The following EVA1A variants were observed in gnomAD, a reference collection of about 807,000 sequenced individuals.
EVA1A encodes eva-1 homolog A, regulator of programmed cell death.
EVA1A carries 7 observed loss-of-function variants against 9.8 expected under a neutral mutation model. The ratio of observed to expected loss-of-function variants is 0.71; its 90% CI spans 0.41 to 1.34. EVA1A has a LOEUF of 1.34. Ranked by LOEUF, EVA1A falls within the 40% of genes most tolerant of loss-of-function variation. EVA1A has a pLI of 0.01. For missense variants in EVA1A, 206 were observed against 205.9 expected, an observed-to-expected ratio of 1.00 and a Z score of 0.00; for synonymous variants, 90 against 85.6, an observed-to-expected ratio of 1.05 and a Z score of -0.28.
upstream of EVA1A, among the ~76,000 whole-genome samples, chr2:75,565,153 G>C (rs1381691418): frequency 6.6e-6 from 1 of 152,190 alleles, no homozygotes; most frequent in Non-Finnish European, 1.5e-5. Context: ...CCTTCACAGA[G>C]AACTGTCCTA....
chr2:75,545,683 C>CTGTCTGG (rs1676304704), intron 1 of EVA1A, among the ~76,000 whole-genome samples: 2 of 135,758 alleles, frequency 1.5e-5, no homozygotes, highest in Admixed American at 1.5e-4. Context: ...AAGCAAAGCA[C>CTGTCTGG]AGGACACAGA....
upstream of EVA1A, among the ~76,000 whole-genome samples, chr2:75,563,800 GCC>G (rs1196687457): frequency 2.0e-5 from 3 of 152,108 alleles, no homozygotes; most frequent in Non-Finnish European, 2.9e-5. Flanking sequence ...AACTCTCTGT[GCC>G]TCATTTTCCT....
intron 1 of EVA1A, among the ~76,000 whole-genome samples, chr2:75,549,966 G>A (rs544941380): frequency 6.6e-6 from 1 of 152,272 alleles, no homozygotes; most frequent in Non-Finnish European, 1.5e-5. Flanking sequence ...ATGAACCAAG[G>A]CAAAGCTGAA....
At chr2:75,508,410 G>A (rs995525554) in intron 3 of EVA1A, among the ~76,000 whole-genome samples, 2 of 151,914 alleles carry the variant, frequency 1.3e-5, no homozygotes, top group South Asian at 2.1e-4. Context: ...GTCTATAAAC[G>A]GCCTGTAGGG....
intron 1 of EVA1A, among the ~76,000 whole-genome samples, chr2:75,559,078 C>T (rs1338982387): frequency 6.6e-6 from 1 of 152,176 alleles, no homozygotes; most frequent in Admixed American, 6.5e-5. Context: ...TAATGGCACT[C>T]TTCATGAAGT....
chr2:75,568,108 A>G (rs990753141), intron 1 of EVA1A, among the ~76,000 whole-genome samples: 4 of 152,246 alleles, frequency 2.6e-5, no homozygotes, highest in South Asian at 4.1e-4. Context: ...CCCTGGGCAC[A>G]TGGGAAGTTT....
chr2:75,540,810 T>C (rs1000005417), intron 1 of EVA1A: 19 of 152,040 alleles, frequency 1.2e-4, no homozygotes, highest in African/African-American at 4.4e-4. Flanking sequence ...AAGATGCAGC[T>C]AGCAATAAAA....
chr2:75,567,933 A>G (rs1457526460), intron 1 of EVA1A, among the ~76,000 whole-genome samples: 1 of 152,196 alleles, frequency 6.6e-6, no homozygotes, highest in African/African-American at 2.4e-5. Flanking sequence ...CACTTGCTTC[A>G]TTTTTAGTCC....
Position 75,546,907 on chromosome 2 carries a change from C to CAAAAA in EVA1A, c.-192+13768_-192+13772dup, listed in dbSNP as rs751386318. 4.2e-4 allele frequency among the ~76,000 whole-genome samples: 28 copies of CAAAAA among 66,830 alleles called. 1 individual carries two copies. Among genetic ancestry groups the CAAAAA allele is most frequent in the Non-Finnish European group, 5.8e-4 (18 of 30,858 alleles). 43.8% of individuals were successfully genotyped at this position (66,830 alleles called of 152,430 possible). A position where few individuals can be genotyped will look rare whatever the true frequency, so the allele number is the denominator to read the frequency against. On this transcript the variant is annotated intron_variant, in intron 1 of 3. Transcript: ENST00000393913. ...ACACAGAAGACAGCCATCAATAGGC[C>CAAAAA]AAAAAAAAAAAAAAAAAAAACACCT...
intron 3 of EVA1A, among the ~76,000 whole-genome samples, chr2:75,501,937 C>T (rs1179916927): frequency 6.6e-6 from 1 of 152,230 alleles, no homozygotes. Context: ...GATACCAATA[C>T]TGCATCTTCC....
intron 1 of EVA1A, among the ~76,000 whole-genome samples, chr2:75,534,502 T>TAAAAAA (rs56043076): frequency 0.014 from 2,013 of 148,670 alleles, 51 homozygotes; most frequent in African/African-American, 0.048. Flanking sequence ...TTCAAGTAAC[T>TAAAAAA]AAAAAAAGAA....
chr2:75,558,125 G>T (rs1676787515), intron 1 of EVA1A, among the ~76,000 whole-genome samples: 2 of 152,220 alleles, frequency 1.3e-5, no homozygotes, highest in African/African-American at 4.8e-5. Flanking sequence ...AATACCAGTA[G>T]TAACTGTAAA....
intron 1 of EVA1A, chr2:75,558,645 C>G (rs575484077): frequency 6.6e-6 from 1 of 152,300 alleles, no homozygotes; most frequent in Admixed American, 6.5e-5. Context: ...AACTTCTAGT[C>G]TCAAAGATTG....
chr2:75,546,257 C>T (rs892047195), intron 1 of EVA1A, among the ~76,000 whole-genome samples: 1 of 152,124 alleles, frequency 6.6e-6, no homozygotes, highest in African/African-American at 2.4e-5. Context: ...CCATAAACAT[C>T]GCCAAGAGCA....
At chr2:75,542,955 T>C (rs1046336679) in intron 1 of EVA1A, among the ~76,000 whole-genome samples, 4 of 152,054 alleles carry the variant, frequency 2.6e-5, no homozygotes, top group Non-Finnish European at 5.9e-5. Context: ...AGAAAAAATA[T>C]CAAATGTGAA....
chr2:75,504,801 TG>T (rs1228724074), intron 3 of EVA1A, among the ~76,000 whole-genome samples: 1 of 30,860 alleles, frequency 3.2e-5, no homozygotes, highest in African/African-American at 1.2e-4. Flanking sequence ...TGTCGGGGGG[TG>T]GGGGGCAAGG....
chr2:75,559,596 T>G (rs1408098157), intron 1 of EVA1A, among the ~76,000 whole-genome samples: 1 of 151,410 alleles, frequency 6.6e-6, no homozygotes, highest in Non-Finnish European at 1.5e-5. Flanking sequence ...GCCGCTGAAC[T>G]CAGAGGACAG....
chr2:75,493,662 C>A (rs1674107506), intron 3 of EVA1A, 53 bp from the exon 4 acceptor site: 2 of 1,494,018 alleles, frequency 1.3e-6, no homozygotes, highest in Non-Finnish European at 1.8e-6. Flanking sequence ...ACTCCATATG[C>A]AGAGATCCAA....
intron 2 of EVA1A, among the ~76,000 whole-genome samples, chr2:75,521,444 CCA>C (rs1252310482): frequency 6.6e-6 from 1 of 152,152 alleles, no homozygotes; most frequent in Admixed American, 6.5e-5. Flanking sequence ...AAATGTCCAT[CCA>C]CAGATGGATG....
Sources: allele counts gnomAD v4.1 joint callset (sites outside exome capture counted in the v4.1 genomes callset), GRCh38; gene constraint gnomAD v4.1.1; transcripts MANE v1.5; gene names NCBI Gene and HGNC (gene_info 2026-07-23, HGNC 2026-07-21).